Variants in CYB561D2 observed in about 807,000 individuals in gnomAD.
CYB561D2 encodes the protein transmembrane reductase CYB561D2.
CYB561D2 carries 16 observed loss-of-function variants against 20.2 expected under a neutral mutation model. That is an observed-to-expected ratio of 0.79 (90% CI 0.53 to 1.20). CYB561D2 has a LOEUF of 1.20. Ranked by LOEUF, CYB561D2 falls within the 50% of genes most tolerant of loss-of-function variation. The pLI is 0.00. For missense variants in CYB561D2, 247 were observed against 270.3 expected (o/e 0.91, Z 0.60); for synonymous variants, 135 against 128.3 (o/e 1.05, Z -0.35).
chr3:50,353,972 G>C lies in CYB561D2; in HGVS notation c.*228G>C. The C allele has an allele frequency of 1.8e-6, 1 of 541,694 alleles. No individual in the cohort carries two copies. The allele number at this position is 541,694 out of a possible 1,614,324, so 33.6% of individuals were successfully genotyped here. On this transcript the variant is annotated 3_prime_UTR_variant, in exon 4 of 4. Coordinates refer to ENST00000425346, the MANE Select transcript of CYB561D2 (RefSeq NM_001291284.2). ...CATAGGCATCATGTGTCTGGATGAAGCTGGGGCTGCAAGACTGCCTCTCCT... is the reference window on the plus strand; with the variant it reads ...CATAGGCATCATGTGTCTGGATGAACCTGGGGCTGCAAGACTGCCTCTCCT...
chr3:50,351,556 C>T lies in CYB561D2; in HGVS notation c.123C>T (p.Gly41=), dbSNP rs372697080. 3.7e-6 allele frequency: 6 copies of T among 1,612,406 alleles called. No individual in the cohort carries two copies. In the African/African-American group the frequency reaches 4.0e-5, roughly 11 times the overall value. Residue 41 remains glycine (G), a synonymous_variant, in exon 2 of 4, where the codon GGC becomes GGT. Coordinates refer to ENST00000425346, the MANE Select transcript of CYB561D2 (RefSeq NM_001291284.2). ...TIFVAVLARP[G]SSLFSWHPVL... ...TTGTGGCTGTGCTTGCCAGGCCTGG[C>T]TCCAGTAAGTAGAATTCATAGCTGA...
intron 3 of CYB561D2, 142 bp from the exon 4 acceptor site, chr3:50,353,098 CA>C: frequency 8.0e-7 from 1 of 1,252,150 alleles, no homozygotes; most frequent in Non-Finnish European, 1.1e-6. Context: ...CTTGCCCCAC[CA>C]AATGGATAGT....
intron 3 of CYB561D2, among the ~76,000 whole-genome samples, chr3:50,353,022 G>C (rs1044591188): frequency 6.6e-6 from 1 of 152,162 alleles, no homozygotes; most frequent in Non-Finnish European, 1.5e-5. Flanking sequence ...ATTTCAGACT[G>C]GCACCTAGGA....
chr3:50,350,865 C>T lies in CYB561D2; in HGVS notation c.-145C>T, dbSNP rs1703735495. ...TCCCAGGAAGTCCTGGGTGGGTAGA[C>T]GTCGCACCCGGAAGTAAAGCGGCTC... is the stretch of plus-strand genomic sequence containing the variant. On this transcript the variant is annotated 5_prime_UTR_variant, in exon 1 of 4. In the 5' UTR this introduces an upstream ATG that the reference lacks. Transcript: ENST00000425346. This position sits in a 1 kb window ranked among gnomAD's most constrained non-coding sequence, Gnocchi z 5.7. The T allele has an allele frequency of 2.8e-6, 4 of 1,404,230 alleles. No homozygotes were observed. Among genetic ancestry groups the T allele is most frequent in the Non-Finnish European group, 3.7e-6 (4 of 1,085,136 alleles). The allele number at this position is 1,404,230 out of a possible 1,614,324, so 87.0% of individuals were successfully genotyped here. A position where few individuals can be genotyped will look rare whatever the true frequency, so the allele number is the denominator to read the frequency against.
At position 50,351,449 on chromosome 3, in the gene CYB561D2, G is replaced by A; in HGVS notation, c.16G>A (p.Glu6Lys). Reference protein sequence around the residue: MALSAETESHIYRALR... With the variant: MALSAKTESHIYRALR... ...ACGGCTGACGATGGCCCTTTCTGCG[G>A]AGACCGAGTCACACATCTACCGAGC... Residue 6 changes from glutamate to lysine, a missense_variant, in exon 2 of 4, where the codon GAG becomes AAG. Glu to Lys is a moderately conservative substitution (Grantham distance 56). Coordinates refer to ENST00000425346, the MANE Select transcript of CYB561D2 (RefSeq NM_001291284.2). The A allele has an allele frequency of 6.2e-7, 1 of 1,613,630 alleles. No homozygotes were observed. The highest frequency in any genetic ancestry group is 8.5e-7 in the Non-Finnish European group (1 of 1,179,930).
chr3:50,352,992 G>T (rs1703807334), intron 3 of CYB561D2, among the ~76,000 whole-genome samples: 1 of 152,176 alleles, frequency 6.6e-6, no homozygotes, highest in South Asian at 2.1e-4. Flanking sequence ...GTGTTTGCTT[G>T]GTAACATACG....
At chr3:50,351,712 C>A in intron 2 of CYB561D2, 152 bp downstream of exon 2, 1 of 1,194,652 alleles carries the variant, frequency 8.4e-7, no homozygotes, top group Non-Finnish European at 1.2e-6. Context: ...ATGGCCAGGG[C>A]ACACAGAATT....
Position 50,353,581 on chromosome 3 carries a change from T to C in CYB561D2, c.506T>C (p.Leu169Pro). ...ACTTCTGGGCTGGTGGGCTACCTGC[T>C]GGGTAGTGCCAGCCTCTTGCTGGGC... ...HATSGLVGYL[L>P]GSASLLLGMC... The change falls in exon 4 of 4, where the codon CTG becomes CCG. Residue 169 changes from leucine to proline, a missense_variant. Physicochemically the swap from Leu to Pro is moderately conservative, Grantham distance 98. Transcript: ENST00000425346. 1 of 1,613,798 alleles carries C rather than the reference T, an allele frequency of 6.2e-7. No homozygotes were observed. Among genetic ancestry groups the C allele is most frequent in the Non-Finnish European group, 8.5e-7 (1 of 1,180,034 alleles).
In CYB561D2 at chr3:50,350,891, C is replaced by T; in HGVS notation, c.-119C>T. On this transcript the variant is annotated 5_prime_UTR_variant, in exon 1 of 4. Transcript: ENST00000425346. The surrounding 1 kb of genome is among the most constrained non-coding windows in gnomAD (Gnocchi z 5.7). ...GTCGCACCCGGAAGTAAAGCGGCTCCGTGACGGAGCGGCGGTGCGCGCGGC... is the reference window on the plus strand; with the variant it reads ...GTCGCACCCGGAAGTAAAGCGGCTCTGTGACGGAGCGGCGGTGCGCGCGGC... 2.1e-6 allele frequency: 3 copies of T among 1,396,756 alleles called. No homozygotes were observed. Among genetic ancestry groups the T allele is most frequent in the Non-Finnish European group, 2.8e-6 (3 of 1,081,092 alleles). 86.5% of individuals were successfully genotyped at this position (1,396,756 alleles called of 1,614,324 possible). A position where few individuals can be genotyped will look rare whatever the true frequency, so the allele number is the denominator to read the frequency against.
At chr3:50,351,042 A>G (rs939157613) in intron 1 of CYB561D2, 58 bp downstream of exon 1, 1 of 565,618 alleles carries the variant, frequency 1.8e-6, no homozygotes, top group Non-Finnish European at 2.7e-6. Flanking sequence ...GCGGTGCGCT[A>G]AGGGATTCAC....
chr3:50,353,149 A>G, intron 3 of CYB561D2, 92 bp from the exon 4 acceptor site: 7 of 1,485,128 alleles, frequency 4.7e-6, no homozygotes, highest in Non-Finnish European at 6.3e-6. Context: ...GAATCAGCCC[A>G]GACTCACTGG....
rs1426070854 is a variant in CYB561D2, at chr3:50,353,785, T to G, written c.*41T>G. 1.3e-6 allele frequency: 2 copies of G among 1,550,098 alleles called. No individual in the cohort carries two copies. Among genetic ancestry groups the G allele is most frequent in the Admixed American group, 1.7e-5 (1 of 57,238 alleles). On this transcript the variant is annotated 3_prime_UTR_variant, in exon 4 of 4. Coordinates refer to ENST00000425346, the MANE Select transcript of CYB561D2 (RefSeq NM_001291284.2). ...GGGGAAGCCTGGATTTGCCCCTCCA[T>G]GTAGGAGCTGGGCCTAGGGACCTGT... is the stretch of plus-strand genomic sequence containing the variant.
chr3:50,353,120 G>A (rs925985842), intron 3 of CYB561D2, 121 bp from the exon 4 acceptor site: 2 of 1,386,576 alleles, frequency 1.4e-6, no homozygotes, highest in Non-Finnish European at 1.9e-6. Context: ...CTTGTCAGTG[G>A]GGAGAGAAAG....
chr3:50,352,245 G>T (rs773282284), intron 3 of CYB561D2, among the ~76,000 whole-genome samples, 199 bp downstream of exon 3: 1 of 152,006 alleles, frequency 6.6e-6, no homozygotes, highest in Non-Finnish European at 1.5e-5. Context: ...CTTAGAGGCC[G>T]AGGCGGGCAC....
At position 50,350,996 on chromosome 3, in the gene CYB561D2, G is replaced by T; in HGVS notation, c.-26+12G>T. 2.0e-6 allele frequency: 2 copies of T among 981,060 alleles called. No individual in the cohort carries two copies. The highest frequency in any genetic ancestry group is 2.7e-6 in the Non-Finnish European group (2 of 739,012). 60.8% of individuals were successfully genotyped at this position (981,060 alleles called of 1,614,324 possible). On this transcript the variant is annotated intron_variant, in intron 1 of 3. Transcript: ENST00000425346. This position sits in a 1 kb window ranked among gnomAD's most constrained non-coding sequence, Gnocchi z 5.7. ...TGCGGCAGAGGCAGGCAAGTCCCTA[G>T]CGTGGAGGGGCAGCATGCTGGCAGC...
At chr3:50,352,178 T>A (rs1405428605) in intron 3 of CYB561D2, 132 bp downstream of exon 3, 1 of 1,111,170 alleles carries the variant, frequency 9.0e-7, no homozygotes, top group African/African-American at 1.6e-5. Context: ...CTCCTGCCCA[T>A]GGTATATATT....
In CYB561D2 at chr3:50,353,606, C is replaced by T. The variant is rs1461960591; in HGVS notation, c.531C>T (p.Gly177=). The T allele has an allele frequency of 6.2e-7, 1 of 1,613,782 alleles. No homozygotes were observed. Among genetic ancestry groups the T allele is most frequent in the Non-Finnish European group, 8.5e-7 (1 of 1,180,040 alleles). Reference sequence around the variant, plus strand: ...TGGGTAGTGCCAGCCTCTTGCTGGGCATGTGCTCACTCTGGTTCACTGCCT... The same window carrying T: ...TGGGTAGTGCCAGCCTCTTGCTGGGTATGTGCTCACTCTGGTTCACTGCCT... ...YLLGSASLLL[G]MCSLWFTASV... is the part of the protein sequence containing the mutation. Residue 177 remains glycine (G), a synonymous_variant, in exon 4 of 4, where the codon GGC becomes GGT. Coordinates refer to ENST00000425346, the MANE Select transcript of CYB561D2 (RefSeq NM_001291284.2).
In CYB561D2 at chr3:50,353,491, T is replaced by C. The variant is rs1575567555; in HGVS notation, c.416T>C (p.Val139Ala). 6.2e-7 allele frequency: 1 copy of C among 1,612,920 alleles called. No homozygotes were observed. The highest frequency in any genetic ancestry group is 1.7e-5 in the Admixed American group (1 of 60,004). ...LWAGLQCSGG[V>A]GLLYPKLLPR... is the part of the protein sequence containing the mutation. ...GCAGGGCTGCAGTGCTCAGGTGGGG[T>C]GGGGCTGCTCTACCCCAAGCTGCTG... is the stretch of plus-strand genomic sequence containing the variant. Residue 139 changes from valine to alanine, a missense_variant, in exon 4 of 4, where the codon GTG (valine) becomes GCG (alanine). Physicochemically the swap from Val to Ala is moderately conservative, Grantham distance 64. Coordinates refer to ENST00000425346, the MANE Select transcript of CYB561D2 (RefSeq NM_001291284.2).
rs368210472 is a variant in CYB561D2, at chr3:50,352,524, A to C, written c.165+478A>C. 1.5e-4 allele frequency among the ~76,000 whole-genome samples: 22 copies of C among 150,588 alleles called. 1 individual carries two copies. Among genetic ancestry groups the C allele is most frequent in the African/African-American group, 4.6e-4 (19 of 40,988 alleles). ...AAACCCAAAAACAAAAAAACCCCCC[A>C]AAAAACCAAAAATTAGCTGGGTGTG... On this transcript the variant is annotated intron_variant, in intron 3 of 3. Transcript: ENST00000425346.
Sources: allele counts gnomAD v4.1 joint callset (sites outside exome capture counted in the v4.1 genomes callset), GRCh38; gene constraint gnomAD v4.1.1; non-coding constraint Gnocchi (gnomAD v3.1); transcripts MANE v1.5; gene names NCBI Gene and HGNC (gene_info 2026-07-23, HGNC 2026-07-21).